Variants in PHF21A observed in about 807,000 individuals in gnomAD.
PHF21A encodes the protein PHD finger protein 21A.
Under a neutral mutation model 82.5 loss-of-function variants are expected in PHF21A, and 11 were observed. That is an observed-to-expected ratio of 0.13 (90% CI 0.08 to 0.22). The LOEUF is 0.22. PHF21A is among the 10% of genes least tolerant of loss of function. The pLI, the probability that PHF21A is intolerant of heterozygous loss-of-function variation, is 1.00. For synonymous variants in PHF21A, 297 were observed against 302.8 expected, an observed-to-expected ratio of 0.98 and a Z score of 0.20; for missense variants, 579 against 837.8, an observed-to-expected ratio of 0.69 and a Z score of 3.81.
intron 6 of PHF21A, among the ~76,000 whole-genome samples, chr11:46,030,275 G>C (rs1195377432): frequency 6.6e-6 from 1 of 152,168 alleles, no homozygotes; most frequent in Non-Finnish European, 1.5e-5. Flanking sequence ...AGGGTGTCAA[G>C]ACAATATAAA....
intron 1 of PHF21A, among the ~76,000 whole-genome samples, chr11:46,098,080 T>G (rs1028621697): frequency 6.6e-6 from 1 of 152,194 alleles, no homozygotes; most frequent in Non-Finnish European, 1.5e-5. Context: ...CCTAGGAAAG[T>G]AGGCCTTCAA....
intron 6 of PHF21A, among the ~76,000 whole-genome samples, chr11:45,992,861 T>C (rs1017865053): frequency 6.6e-6 from 1 of 152,196 alleles, no homozygotes; most frequent in African/African-American, 2.4e-5. Context: ...ACATATAATT[T>C]AACCCCTGTC....
intron 6 of PHF21A, among the ~76,000 whole-genome samples, chr11:46,043,148 T>C (rs777435876): frequency 5.9e-5 from 9 of 152,092 alleles, no homozygotes; most frequent in Non-Finnish European, 1.3e-4. Flanking sequence ...TTGGGTCCTT[T>C]AGAGGTAAGA....
intron 6 of PHF21A, among the ~76,000 whole-genome samples, chr11:46,064,689 A>T (rs1320891830): frequency 1.3e-5 from 2 of 152,258 alleles, no homozygotes; most frequent in Non-Finnish European, 2.9e-5. Context: ...GTCATTTAAC[A>T]TATTCAACAT....
intron 6 of PHF21A, among the ~76,000 whole-genome samples, chr11:46,018,698 A>C (rs78614507): frequency 0.025 from 3,782 of 152,292 alleles, 125 homozygotes; most frequent in African/African-American, 0.074. Flanking sequence ...CAAAATCCTG[A>C]TATGGACAAC....
chr11:46,075,522 C>T (rs756251608), intron 6 of PHF21A, among the ~76,000 whole-genome samples: 20 of 152,184 alleles, frequency 1.3e-4, no homozygotes, highest in Non-Finnish European at 2.5e-4. Flanking sequence ...ACATTCAGAG[C>T]CAAATACATA....
chr11:46,057,383 A>G (rs1000649181), intron 6 of PHF21A, among the ~76,000 whole-genome samples: 1 of 152,148 alleles, frequency 6.6e-6, no homozygotes, highest in African/African-American at 2.4e-5. Context: ...TCAATTATCA[A>G]TCTAGATGCA....
At chr11:45,997,739 A>C (rs2094958251) in intron 6 of PHF21A, among the ~76,000 whole-genome samples, 1 of 152,208 alleles carries the variant, frequency 6.6e-6, no homozygotes, top group South Asian at 2.1e-4. Flanking sequence ...TTGTTGGGCC[A>C]TCTGTTTATG....
chr11:46,081,158 C>G (rs763190181), intron 4 of PHF21A, among the ~76,000 whole-genome samples: 7 of 152,190 alleles, frequency 4.6e-5, no homozygotes, highest in Non-Finnish European at 7.4e-5. Context: ...AAAAGTCTTT[C>G]TCCCTGATGC....
intron 14 of PHF21A, among the ~76,000 whole-genome samples, chr11:45,946,414 C>T (rs1377789749): frequency 2.6e-5 from 4 of 152,134 alleles, no homozygotes; most frequent in African/African-American, 7.2e-5. Context: ...GACGGAATCT[C>T]GCTCTGTCAC....
At chr11:45,949,308 G>T in intron 13 of PHF21A, 94 bp downstream of exon 13, 1 of 990,478 alleles carries the variant, frequency 1.0e-6, no homozygotes, top group Non-Finnish European at 1.6e-6. Flanking sequence ...CAATCAGGGT[G>T]CTGCTCTTCA....
At chr11:45,945,514 G>A (rs368638492) in intron 15 of PHF21A, among the ~76,000 whole-genome samples, 1 of 152,138 alleles carries the variant, frequency 6.6e-6, no homozygotes, top group Non-Finnish European at 1.5e-5. Context: ...AAACACTGAT[G>A]ATAGAAACCT....
intron 6 of PHF21A, among the ~76,000 whole-genome samples, chr11:46,028,614 C>T (rs1447609893): frequency 6.8e-6 from 1 of 147,220 alleles, no homozygotes; most frequent in Non-Finnish European, 1.5e-5. Flanking sequence ...CGTTCTGTCG[C>T]CCAGGCTGGA....
At chr11:45,935,862 C>T (rs774226367) in intron 17 of PHF21A, 123 bp from the exon 18 acceptor site, 203 of 624,388 alleles carry the variant, frequency 3.3e-4, no homozygotes, top group Admixed American at 1.9e-3. Flanking sequence ...AGTCCTACAA[C>T]CCAGTGCAGA....
chr11:46,036,811 T>TA (rs1555126077), intron 6 of PHF21A, among the ~76,000 whole-genome samples: 1 of 152,228 alleles, frequency 6.6e-6, no homozygotes, highest in Non-Finnish European at 1.5e-5. Context: ...TCTAGGTAGA[T>TA]AATCAGGTCA....
intron 6 of PHF21A, among the ~76,000 whole-genome samples, chr11:46,036,817 G>C (rs1054612670): frequency 1.3e-5 from 2 of 152,078 alleles, no homozygotes; most frequent in African/African-American, 4.8e-5. Context: ...TAGATAATCA[G>C]GTCATCTGCA....
At chr11:46,033,367 G>A (rs1565643705) in intron 6 of PHF21A, among the ~76,000 whole-genome samples, 1 of 152,024 alleles carries the variant, frequency 6.6e-6, no homozygotes, top group Non-Finnish European at 1.5e-5. Flanking sequence ...TAGGCTCGAG[G>A]GATCCTTCCA....
chr11:45,957,714 T>C (rs1331242198), intron 10 of PHF21A, among the ~76,000 whole-genome samples: 5 of 96,792 alleles, frequency 5.2e-5, no homozygotes, highest in African/African-American at 2.0e-4. Flanking sequence ...AACCTAACTT[T>C]ACACCTTAAG....
At chr11:45,997,290 C>G (rs961642267) in intron 6 of PHF21A, among the ~76,000 whole-genome samples, 1 of 152,132 alleles carries the variant, frequency 6.6e-6, no homozygotes, top group African/African-American at 2.4e-5. Flanking sequence ...TTTTATGACA[C>G]TTATCACTAG....
Sources: allele counts gnomAD v4.1 joint callset (sites outside exome capture counted in the v4.1 genomes callset), GRCh38; gene constraint gnomAD v4.1.1; transcripts MANE v1.5; gene names NCBI Gene and HGNC (gene_info 2026-07-23, HGNC 2026-07-21).